The following ANO1 variants were observed in gnomAD, a reference collection of about 807,000 sequenced individuals.
ANO1 encodes the protein anoctamin-1.
ANO1 carries 59 observed loss-of-function variants against 124.0 expected under a neutral mutation model. The ratio of observed to expected loss-of-function variants is 0.48; its 90% CI spans 0.39 to 0.59. ANO1 has a LOEUF of 0.59. ANO1 is among the 20% of genes least tolerant of loss of function. The pLI is 0.00. For missense variants in ANO1, 1,059 were observed against 1,328.0 expected, an observed-to-expected ratio of 0.80 and a Z score of 3.15; for synonymous variants, 529 against 532.0, an observed-to-expected ratio of 0.99 and a Z score of 0.08.
chr11:70,042,160 A>G (rs1281901703), intron 1 of ANO1, among the ~76,000 whole-genome samples: 1 of 152,134 alleles, frequency 6.6e-6, no homozygotes, highest in Non-Finnish European at 1.5e-5. Context: ...CAGGGGTCAG[A>G]CTTAATCTGT....
intron 8 of ANO1, among the ~76,000 whole-genome samples, chr11:70,117,100 C>CTTTTTTTTTT (rs756764991): frequency 1.6e-5 from 1 of 61,546 alleles, no homozygotes; most frequent in Non-Finnish European, 3.2e-5. Flanking sequence ...TTGTTTCTTT[C>CTTTTTTTTTT]TTTTTTTTTT....
intron 11 of ANO1, among the ~76,000 whole-genome samples, chr11:70,139,622 C>T (rs559803020): frequency 1.9e-4 from 29 of 152,340 alleles, no homozygotes; most frequent in African/African-American, 6.5e-4. Flanking sequence ...CCACGCCCGG[C>T]CTGCACCAAA....
chr11:69,984,976 G>C (rs1169893118), upstream of ANO1, among the ~76,000 whole-genome samples: 1 of 152,252 alleles, frequency 6.6e-6, no homozygotes, highest in Non-Finnish European at 1.5e-5. Flanking sequence ...TGTGAGGTTT[G>C]TGGGTACACA....
chr11:70,111,379 C>T (rs1212255925), intron 6 of ANO1, among the ~76,000 whole-genome samples: 2 of 152,190 alleles, frequency 1.3e-5, no homozygotes, highest in African/African-American at 2.4e-5. Context: ...GCCGGTGAAT[C>T]GGAGGCTTGG....
intron 1 of ANO1, among the ~76,000 whole-genome samples, chr11:70,068,544 C>A (rs1298369863): frequency 1.3e-5 from 2 of 152,100 alleles, no homozygotes; most frequent in Admixed American, 1.3e-4. Context: ...GGAGTGGGGC[C>A]AGGGCAGACC....
chr11:70,116,873 A>G (rs2045995390), intron 8 of ANO1, among the ~76,000 whole-genome samples: 1 of 152,172 alleles, frequency 6.6e-6, no homozygotes. Flanking sequence ...CTAATCCCAC[A>G]GGGCTCCCAG....
chr11:70,064,130 A>G (rs1383033427), intron 1 of ANO1: 10 of 152,152 alleles, frequency 6.6e-5, no homozygotes, highest in Non-Finnish European at 1.2e-4. Context: ...GGCTCCCTAT[A>G]TCATGTTGAT....
At chr11:70,164,999 G>A (rs1268662520) in intron 19 of ANO1, among the ~76,000 whole-genome samples, 2 of 152,186 alleles carry the variant, frequency 1.3e-5, no homozygotes, top group Admixed American at 1.3e-4. Context: ...CAGACTTAAA[G>A]TAACAGAGAT....
chr11:70,178,717 C>T lies in ANO1; in HGVS notation c.2351-1287C>T, dbSNP rs375822833. 4.5e-3 allele frequency among the ~76,000 whole-genome samples: 679 copies of T among 152,308 alleles called. 2 individuals are homozygous for T. The highest frequency in any genetic ancestry group is 0.015 in the African/African-American group (641 of 41,552). On this transcript the variant is annotated intron_variant, in intron 22 of 25. Coordinates refer to ENST00000355303, the MANE Select transcript of ANO1 (RefSeq NM_018043.7). Reference sequence around the variant, plus strand: ...TAGCTGGGATTACAGGCATGTGCCACGACGCCTGGCTAATTTTTGTATTTT... The same window carrying T: ...TAGCTGGGATTACAGGCATGTGCCATGACGCCTGGCTAATTTTTGTATTTT...
At position 70,019,014 on chromosome 11, in the gene ANO1, G is replaced by A. The variant is rs76389260; in HGVS notation, c.58+32848G>A. On this transcript the variant is annotated intron_variant, in intron 1 of 27. Transcript: ENST00000531349. ...GCGGCAATAAGTACGCAAAGTCCAT[G>A]GCATTGTGCAGCCATGTGGCGGAGG... Among the ~76,000 whole-genome samples, 1,211 of 152,352 alleles carry A rather than the reference G, an allele frequency of 7.9e-3. 17 individuals are homozygous for A. The highest frequency in any genetic ancestry group is 0.028 in the African/African-American group (1,158 of 41,584).
intron 2 of ANO1, among the ~76,000 whole-genome samples, chr11:70,088,986 G>A (rs1169779756): frequency 6.6e-6 from 1 of 152,242 alleles, no homozygotes; most frequent in East Asian, 1.9e-4. Flanking sequence ...GGCTGCTGCG[G>A]GGCCGAGGGT....
At chr11:70,171,154 T>A in intron 22 of ANO1, 115 bp downstream of exon 22, 1 of 1,395,462 alleles carries the variant, frequency 7.2e-7, no homozygotes, top group Non-Finnish European at 9.6e-7. Context: ...CTCCTGGGGC[T>A]CTTCACTCAG....
chr11:70,124,228 C>A, intron 8 of ANO1, 122 bp from the exon 9 acceptor site: 1 of 886,834 alleles, frequency 1.1e-6, no homozygotes. Context: ...AGCCCACTCT[C>A]AAGAAGTGTT....
At chr11:70,019,711 C>A (rs199757575) in intron 1 of ANO1, among the ~76,000 whole-genome samples, 3 of 152,378 alleles carry the variant, frequency 2.0e-5, no homozygotes, top group South Asian at 4.1e-4. Context: ...CCACCCACCA[C>A]TGTCTGGGGC....
chr11:70,166,921 G>T (rs568210117), intron 20 of ANO1, among the ~76,000 whole-genome samples: 1 of 152,164 alleles, frequency 6.6e-6, no homozygotes, highest in African/African-American at 2.4e-5. Flanking sequence ...ACAGATGGGC[G>T]GATTGCCTGA....
At chr11:69,978,385 C>T in the ANO1 span, among the ~76,000 whole-genome samples, 121 of 152,310 alleles carry the variant, frequency 7.9e-4, no homozygotes, top group African/African-American at 2.9e-3. Context: ...GCCTCACTCC[C>T]GGTAGTGCAG....
At chr11:70,005,897 T>G (rs981397648) in intron 1 of ANO1, among the ~76,000 whole-genome samples, 2 of 152,230 alleles carry the variant, frequency 1.3e-5, no homozygotes, top group Non-Finnish European at 2.9e-5. Flanking sequence ...CTCTTTTAAC[T>G]GACAGCAATA....
intron 1 of ANO1, among the ~76,000 whole-genome samples, chr11:70,026,543 A>T (rs1404995012): frequency 6.6e-6 from 1 of 151,686 alleles, no homozygotes; most frequent in African/African-American, 2.4e-5. Context: ...AATGATGATG[A>T]TAAAAATGAC....
intron 11 of ANO1, among the ~76,000 whole-genome samples, chr11:70,142,758 A>G (rs2047205061): frequency 6.6e-6 from 1 of 152,178 alleles, no homozygotes; most frequent in African/African-American, 2.4e-5. Context: ...GAAGTCCAAG[A>G]TCAAGGTGCC....
Sources: allele counts gnomAD v4.1 joint callset (sites outside exome capture counted in the v4.1 genomes callset), GRCh38; gene constraint gnomAD v4.1.1; transcripts MANE v1.5; gene names NCBI Gene and HGNC (gene_info 2026-07-23, HGNC 2026-07-21).